SIL1: variants seen among roughly 807,000 people sequenced by gnomAD.
SIL1 encodes the protein nucleotide exchange factor SIL1.
SIL1 carries 40 observed loss-of-function variants against 49.1 expected under a neutral mutation model. That is an observed-to-expected ratio of 0.81 (90% CI 0.63 to 1.06). SIL1 has a LOEUF of 1.06. SIL1 is among the 50% of genes least tolerant of loss of function. The probability of loss-of-function intolerance (pLI) is 0.00; values close to 1 mark genes in which losing one functional copy is unlikely to be tolerated. For missense variants in SIL1, 500 were observed against 572.6 expected (o/e 0.87, Z 1.29); for synonymous variants, 253 against 250.8 (o/e 1.01, Z -0.08).
chr5:139,174,088 A>T (rs1293261049), intron 1 of SIL1, among the ~76,000 whole-genome samples: 1 of 152,078 alleles, frequency 6.6e-6, no homozygotes, highest in East Asian at 1.9e-4. Context: ...AATAATAAAG[A>T]TCAGAGCTAA....
intron 3 of SIL1, among the ~76,000 whole-genome samples, chr5:139,064,402 TG>T (rs1769656376): frequency 6.6e-6 from 1 of 151,962 alleles, no homozygotes; most frequent in African/African-American, 2.4e-5. Flanking sequence ...ACAATCAGAG[TG>T]GGAGAAGAGG....
intron 9 of SIL1, 37 bp downstream of exon 9, chr5:138,951,134 G>A: frequency 6.2e-7 from 1 of 1,604,344 alleles, no homozygotes; most frequent in Non-Finnish European, 8.5e-7. Flanking sequence ...CACACACAAA[G>A]CAAACAAGAG....
chr5:139,076,754 A>G (rs568131032), intron 3 of SIL1, among the ~76,000 whole-genome samples: 69 of 152,306 alleles, frequency 4.5e-4, no homozygotes, highest in South Asian at 1.7e-3. Context: ...TTCCCCTTCT[A>G]TTGGTATGGC....
rs1178801839 is a variant in SIL1 at position 138,951,219 on chromosome 5, C to T, written c.981G>A (p.Val327=). The T allele has an allele frequency of 6.2e-7, 1 of 1,608,366 alleles. No individual in the cohort carries two copies. The highest frequency in any genetic ancestry group is 1.3e-5 in the African/African-American group (1 of 74,836). ...RTLVQEKGTE[V]LAVRVVTLLY... ...GCAGTGTGACCACGCGCACGGCGAGCACCTCCGTGCCCTTCTCCTGCACCA... is the reference window on the plus strand; with the variant it reads ...GCAGTGTGACCACGCGCACGGCGAGTACCTCCGTGCCCTTCTCCTGCACCA... Residue 327 remains valine (V), a synonymous_variant, in exon 9 of 10, where the codon GTG becomes GTA. Coordinates refer to ENST00000394817, the MANE Select transcript of SIL1 (RefSeq NM_022464.5).
chr5:139,139,304 G>A (rs1751036264), intron 1 of SIL1, among the ~76,000 whole-genome samples: 1 of 152,194 alleles, frequency 6.6e-6, no homozygotes, highest in Non-Finnish European at 1.5e-5. Context: ...AGATACCACG[G>A]TCAGGGTTCG....
chr5:139,010,225 A>G (rs1360274712), intron 7 of SIL1, among the ~76,000 whole-genome samples: 3 of 148,324 alleles, frequency 2.0e-5, no homozygotes, highest in South Asian at 2.2e-4. Context: ...ATCTTCCATT[A>G]CTGATACCCT....
rs539576241 is a variant in SIL1 at position 139,020,631 on chromosome 5, G to C, written c.767+540C>G. Among the ~76,000 whole-genome samples, 5 of 152,234 alleles carry C rather than the reference G, an allele frequency of 3.3e-5. No individual in the cohort carries two copies. In the East Asian group the frequency reaches 9.7e-4, roughly 29 times the overall value. On this transcript the variant is annotated intron_variant, in intron 7 of 9. Coordinates refer to ENST00000394817, the MANE Select transcript of SIL1 (RefSeq NM_022464.5). ...CATATCTTTTGGCATCTACTCTTTC[G>C]AGATGCTACCTCCCCACTCCTCTTG...
chr5:138,984,851 T>C (rs1767618548), intron 7 of SIL1, among the ~76,000 whole-genome samples: 1 of 152,342 alleles, frequency 6.6e-6, no homozygotes, highest in African/African-American at 2.4e-5. Flanking sequence ...AGCAGGGCGA[T>C]GCCTCTGATA....
chr5:139,057,090 G>A (rs1382262583), intron 3 of SIL1, among the ~76,000 whole-genome samples: 1 of 151,842 alleles, frequency 6.6e-6, no homozygotes, highest in Non-Finnish European at 1.5e-5. Flanking sequence ...GCTGCAAGAT[G>A]TGCTTTGTTA....
intron 3 of SIL1, among the ~76,000 whole-genome samples, chr5:139,111,156 C>T (rs1241759649): frequency 6.6e-6 from 1 of 152,186 alleles, no homozygotes; most frequent in Non-Finnish European, 1.5e-5. Flanking sequence ...TTCCATTTCT[C>T]AAGCACCCAA....
intron 7 of SIL1, among the ~76,000 whole-genome samples, chr5:138,960,419 T>C (rs1766993189): frequency 1.3e-5 from 2 of 149,452 alleles, no homozygotes; most frequent in Non-Finnish European, 3.0e-5. Context: ...ACGTCTTTTT[T>C]TTTTTTTTTT....
chr5:139,031,331 T>C (rs1205561787), intron 5 of SIL1, among the ~76,000 whole-genome samples: 1 of 152,304 alleles, frequency 6.6e-6, no homozygotes. Flanking sequence ...AAGTGACAGC[T>C]CATTTTTTGC....
In SIL1 at chr5:139,141,827, T is replaced by C. The variant is rs545885932; in HGVS notation, c.-10-13974A>G. Among the ~76,000 whole-genome samples the C allele has an allele frequency of 1.4e-4, 21 of 152,338 alleles. No individual in the cohort carries two copies. In the East Asian group the frequency reaches 2.9e-3, roughly 21 times the overall value. ...CAATGGAATCTTTCACCCTGAAATGTTAAATATCTGAGAAAACACTTTAAA... is the reference window on the plus strand; with the variant it reads ...CAATGGAATCTTTCACCCTGAAATGCTAAATATCTGAGAAAACACTTTAAA... On this transcript the variant is annotated intron_variant, in intron 1 of 9. Transcript: ENST00000394817.
chr5:139,003,088 G>A (rs561276670), intron 7 of SIL1, among the ~76,000 whole-genome samples: 3 of 152,036 alleles, frequency 2.0e-5, no homozygotes, highest in African/African-American at 7.2e-5. Flanking sequence ...AAGGCCCTTC[G>A]TCACATGGAA....
intron 1 of SIL1, chr5:139,137,328 C>A (rs574050964): frequency 2.8e-6 from 2 of 702,352 alleles, no homozygotes; most frequent in Non-Finnish European, 5.2e-6. Context: ...GGTTAAGTAA[C>A]GTGCCAGAGT....
chr5:139,174,189 C>A (rs1751833284), intron 1 of SIL1, among the ~76,000 whole-genome samples: 1 of 151,948 alleles, frequency 6.6e-6, no homozygotes, highest in African/African-American at 2.4e-5. Flanking sequence ...AATTGACAAA[C>A]CTTTACCTAG....
At chr5:139,161,643 C>T (rs984684880) in intron 1 of SIL1, among the ~76,000 whole-genome samples, 7 of 152,138 alleles carry the variant, frequency 4.6e-5, no homozygotes, top group Admixed American at 6.5e-5. Context: ...ATTTAGGACT[C>T]AAACGTTTTC....
intron 1 of SIL1, among the ~76,000 whole-genome samples, chr5:139,159,196 C>T (rs1386350210): frequency 6.6e-6 from 1 of 152,172 alleles, no homozygotes; most frequent in African/African-American, 2.4e-5. Flanking sequence ...AACACTGATG[C>T]CATCCAATTC....
At chr5:139,067,948 G>A (rs540524498) in intron 3 of SIL1, among the ~76,000 whole-genome samples, 1 of 152,320 alleles carries the variant, frequency 6.6e-6, no homozygotes, top group Admixed American at 6.5e-5. Context: ...CAATACAAAT[G>A]TCCATCAGTA....
Sources: gnomAD v4.1 joint callset for allele counts (sites outside exome capture counted in the v4.1 genomes callset) on GRCh38, gnomAD v4.1.1 for gene constraint, MANE v1.5 for transcripts, NCBI Gene and HGNC (gene_info 2026-07-23, HGNC 2026-07-21) for gene names.